Variants in MICAL3 observed in about 807,000 individuals in gnomAD.
The protein encoded by MICAL3 is [F-actin]-monooxygenase MICAL3.
MICAL3 carries 62 observed loss-of-function variants against 207.4 expected under a neutral mutation model. That is an observed-to-expected ratio of 0.30 (90% CI 0.24 to 0.37). MICAL3 has a LOEUF of 0.37. MICAL3 is among the 10% of genes least tolerant of loss of function. The pLI is 1.00. For synonymous variants in MICAL3, 1,077 were observed against 1,069.3 expected, an observed-to-expected ratio of 1.01 and a Z score of -0.14; for missense variants, 2,368 against 2,635.6, an observed-to-expected ratio of 0.90 and a Z score of 2.22.
intron 1 of MICAL3, among the ~76,000 whole-genome samples, chr22:17,977,718 C>A (rs867129756): frequency 6.6e-6 from 1 of 152,060 alleles, no homozygotes; most frequent in Non-Finnish European, 1.5e-5. Context: ...GGTATATACT[C>A]AAGAGAAATA....
intron 7 of MICAL3, among the ~76,000 whole-genome samples, 200 bp from the exon 8 acceptor site, chr22:17,897,181 G>C (rs1413390697): frequency 1.3e-5 from 2 of 152,128 alleles, no homozygotes; most frequent in Non-Finnish European, 1.5e-5. Flanking sequence ...CCAGCACTTT[G>C]GGAGGCTGAG....
chr22:17,907,871 TCA>T (rs1174475044), intron 1 of MICAL3, among the ~76,000 whole-genome samples: 1 of 152,178 alleles, frequency 6.6e-6, no homozygotes, highest in Non-Finnish European at 1.5e-5. Context: ...TTGGGAGACT[TCA>T]CAGTCATTCC....
intron 1 of MICAL3, among the ~76,000 whole-genome samples, chr22:17,930,169 G>A (rs1215758445): frequency 6.6e-6 from 1 of 152,182 alleles, no homozygotes; most frequent in Non-Finnish European, 1.5e-5. Flanking sequence ...CCACGAGTAG[G>A]CAACGATAGG....
chr22:17,915,308 C>T (rs1375089159), intron 1 of MICAL3, among the ~76,000 whole-genome samples: 2 of 152,196 alleles, frequency 1.3e-5, no homozygotes, highest in Non-Finnish European at 2.9e-5. Context: ...AAGGGCTACC[C>T]GGTCACCTAC....
At position 17,902,009 on chromosome 22, in the gene MICAL3, C is replaced by T; in HGVS notation, c.590-30G>A. 1.3e-6 allele frequency: 2 copies of T among 1,527,722 alleles called. No homozygotes were observed. The highest frequency in any genetic ancestry group is 1.8e-6 in the Non-Finnish European group (2 of 1,108,350). 94.6% of individuals were successfully genotyped at this position (1,527,722 alleles called of 1,614,324 possible). ...GAACCAAAACCAAATAAATGGGGGT[C>T]ACCACCCAGACCACATTCACAGCCA... On this transcript the variant is annotated intron_variant, in intron 4 of 31. Transcript: ENST00000441493. This position sits in a 1 kb window ranked among gnomAD's most constrained non-coding sequence, Gnocchi z 4.5.
At chr22:17,801,873 G>A (rs968177737) in intron 29 of MICAL3, among the ~76,000 whole-genome samples, 26 of 151,932 alleles carry the variant, frequency 1.7e-4, no homozygotes, top group Middle Eastern at 3.4e-3. Context: ...CAGCCTGGGC[G>A]ACAGAGCGAG....
In MICAL3 at chr22:17,951,995, C is replaced by A. The variant is rs532283010; in HGVS notation, c.-74-45109G>T. Among the ~76,000 whole-genome samples the A allele has an allele frequency of 2.6e-4, 40 of 152,216 alleles. 1 individual carries two copies. The South Asian group carries it at 7.7e-3, about 29-fold the overall frequency. The stretch of plus-strand genomic sequence containing the variant: ...TACAGGCGTGAGCGACTGTGCCGGG[C>A]GTAAAATTTCTTAAAAGTGCCCCAC... On this transcript the variant is annotated intron_variant, in intron 1 of 31. Coordinates refer to ENST00000441493, the MANE Select transcript of MICAL3 (RefSeq NM_015241.3).
chr22:17,873,123 A>C (rs1232817866), intron 16 of MICAL3, among the ~76,000 whole-genome samples: 7 of 152,228 alleles, frequency 4.6e-5, no homozygotes, highest in Admixed American at 4.6e-4. Context: ...GGTCTCTCCC[A>C]TCTCTGTGGA....
At chr22:17,791,468 CCTTCCTGG>C (rs2061824086) in intron 29 of MICAL3, 167 bp from the exon 30 acceptor site, 6 of 643,560 alleles carry the variant, frequency 9.3e-6, no homozygotes, top group South Asian at 9.0e-5. Context: ...CTGGCGTCCC[CCTTCCTGG>C]GGCCTGCGCT....
intron 13 of MICAL3, among the ~76,000 whole-genome samples, chr22:17,888,069 T>C (rs942673180): frequency 5.9e-5 from 9 of 152,358 alleles, no homozygotes; most frequent in African/African-American, 1.7e-4. Context: ...ATTTTTAAAA[T>C]AGTCATTAAT....
At chr22:17,877,275 G>A (rs1928755712) in intron 16 of MICAL3, among the ~76,000 whole-genome samples, 1 of 132,214 alleles carries the variant, frequency 7.6e-6, no homozygotes, top group Non-Finnish European at 1.6e-5. Context: ...AGTTATGGAG[G>A]TTAGGGAGGT....
chr22:17,926,472 C>T, intron 1 of MICAL3, among the ~76,000 whole-genome samples: 1 of 152,368 alleles, frequency 6.6e-6, no homozygotes, highest in Admixed American at 6.5e-5. Flanking sequence ...CCTTGGCCCT[C>T]TTTCTATTTT....
chr22:17,890,715 G>A (rs1930326015), intron 12 of MICAL3, among the ~76,000 whole-genome samples: 1 of 152,146 alleles, frequency 6.6e-6, no homozygotes, highest in South Asian at 2.1e-4. Flanking sequence ...AAAACAAACA[G>A]AAATTGGCCC....
intron 1 of MICAL3, among the ~76,000 whole-genome samples, chr22:18,009,068 A>G (rs1923575042): frequency 6.6e-6 from 1 of 151,850 alleles, no homozygotes; most frequent in Non-Finnish European, 1.5e-5. Context: ...CAGAAATTCT[A>G]TGCAGTGGAA....
chr22:17,815,489 A>C (rs2062095042), intron 27 of MICAL3: 1 of 152,298 alleles, frequency 6.6e-6, no homozygotes, highest in African/African-American at 2.4e-5. Context: ...AGGGACCCAC[A>C]TAGAAACCCA....
rs149047724 is a variant in MICAL3 at position 17,853,521 on chromosome 22, C to G, written c.2605+11378G>C. Among the ~76,000 whole-genome samples, 618 of 152,360 alleles carry G rather than the reference C, an allele frequency of 4.1e-3. 3 individuals are homozygous for G. Among genetic ancestry groups the G allele is most frequent in the African/African-American group, 0.014 (595 of 41,580 alleles). ...CTGGAATCCTTGCCAATGACAATCA[C>G]ATTTGATATTCTTGTAATGCTTTTA... On this transcript the variant is annotated intron_variant, in intron 19 of 31. Transcript: ENST00000441493.
intron 19 of MICAL3, chr22:17,864,110 A>G: frequency 1.0e-6 from 1 of 987,042 alleles, no homozygotes; most frequent in Non-Finnish European, 1.2e-6. Flanking sequence ...GAGAGAGGCC[A>G]TTTTAAGGAA....
intron 1 of MICAL3, among the ~76,000 whole-genome samples, chr22:17,914,516 A>C (rs1932352718): frequency 6.6e-6 from 1 of 152,120 alleles, no homozygotes. Flanking sequence ...ACCACCTGAG[A>C]ATACAGCTTG....
intron 1 of MICAL3, among the ~76,000 whole-genome samples, chr22:17,915,600 G>A (rs535944534): frequency 2.7e-4 from 41 of 152,236 alleles, no homozygotes; most frequent in Non-Finnish European, 4.7e-4. Flanking sequence ...CAGAATATGG[G>A]GTTTCTCAGG....
Sources: gnomAD v4.1 joint callset for allele counts (sites outside exome capture counted in the v4.1 genomes callset) on GRCh38, gnomAD v4.1.1 for gene constraint, Gnocchi (gnomAD v3.1) non-coding constraint, MANE v1.5 for transcripts, NCBI Gene and HGNC (gene_info 2026-07-23, HGNC 2026-07-21) for gene names.